DNAH12: variants seen among roughly 807,000 people sequenced by gnomAD.
DNAH12 encodes the protein axonemal beta dynein heavy chain 12.
DNAH12 carries 285 observed loss-of-function variants against 371.5 expected under a neutral mutation model. The ratio of observed to expected loss-of-function variants is 0.77; its 90% confidence interval spans 0.70 to 0.85. The LOEUF is 0.85. Among genes scored for constraint, DNAH12 ranks in the 40% least tolerant of loss-of-function variants. The pLI is 0.00. For synonymous variants in DNAH12, 1,200 were observed against 1,213.0 expected (o/e 0.99, Z 0.22); for missense variants, 3,611 against 3,689.4 (o/e 0.98, Z 0.55).
In DNAH12 at chr3:57,542,900, T is replaced by C. The variant is rs762567218; in HGVS notation, c.-30A>G. The C allele has an allele frequency of 8.6e-6, 13 of 1,516,330 alleles. No homozygotes were observed. The highest frequency in any genetic ancestry group is 1.1e-5 in the Non-Finnish European group (13 of 1,137,320). The allele number at this position is 1,516,330 out of a possible 1,614,324, so 93.9% of individuals were successfully genotyped here. On this transcript the variant is annotated 5_prime_UTR_variant, in exon 2 of 74. Coordinates refer to ENST00000495027, the MANE Select transcript of DNAH12 (RefSeq NM_001366028.2). ...ATCCCCTAAAGATTAAAATACTCTGTACTCTGAGGAGAAAAAGTCCATAAA... is the reference window on the plus strand; with the variant it reads ...ATCCCCTAAAGATTAAAATACTCTGCACTCTGAGGAGAAAAAGTCCATAAA...
At chr3:57,542,588 A>G in intron 2 of DNAH12, 113 bp downstream of exon 2, 1 of 1,187,334 alleles carries the variant, frequency 8.4e-7, no homozygotes, top group Non-Finnish European at 1.1e-6. Context: ...TTAACTTGAA[A>G]ATAGTATTTT....
At chr3:57,361,323 TG>T (rs1193066849) in intron 58 of DNAH12, among the ~76,000 whole-genome samples, 1 of 151,390 alleles carries the variant, frequency 6.6e-6, no homozygotes, top group East Asian at 1.9e-4. Flanking sequence ...CACTCCAGCC[TG>T]GACAACAAGA....
chr3:57,324,137 C>T (rs957312361), intron 62 of DNAH12, among the ~76,000 whole-genome samples: 1 of 152,158 alleles, frequency 6.6e-6, no homozygotes, highest in African/African-American at 2.4e-5. Flanking sequence ...CTGATGAGGA[C>T]CACACTGTAA....
intron 4 of DNAH12, among the ~76,000 whole-genome samples, chr3:57,514,604 G>C (rs904336709): frequency 2.0e-5 from 3 of 151,982 alleles, no homozygotes; most frequent in Non-Finnish European, 4.4e-5. Flanking sequence ...AGGGTGGAAG[G>C]GATGGGAGAT....
chr3:57,409,575 G>A (rs1438828125), intron 39 of DNAH12, among the ~76,000 whole-genome samples: 1 of 151,942 alleles, frequency 6.6e-6, no homozygotes, highest in Non-Finnish European at 1.5e-5. Context: ...GAGGAATAGT[G>A]ATTATCTCCT....
intron 28 of DNAH12, 47 bp from the exon 29 acceptor site, chr3:57,444,863 G>A: frequency 6.6e-7 from 1 of 1,520,370 alleles, no homozygotes. Context: ...GCCAGCAATT[G>A]CAACCCCACT....
rs1479294328 is a variant in DNAH12, at chr3:57,483,445, C to G, written c.1581G>C (p.Met527Ile). The change falls in exon 13 of 74, where the codon ATG becomes ATC. Residue 527 changes from methionine (M) to isoleucine (I), a missense_variant. Physicochemically the swap from Met to Ile is conservative, Grantham distance 10 (BLOSUM62 1). Around this residue, in one of 3 missense-constraint regions of DNAH12, gnomAD observed 1,314 missense variants for 1,398.7 expected, o/e 0.94. Coordinates refer to ENST00000495027, the MANE Select transcript of DNAH12 (RefSeq NM_001366028.2). The stretch of plus-strand genomic sequence containing the variant: ...TTTCTACATAAGATATCAGATCCAT[C>G]ATCTCTTCTGTTGTTTCAGGGACTT... Reference protein sequence around the residue: ...ALKVPETTEEMMDLISYVEKA... With the variant: ...ALKVPETTEEIMDLISYVEKA... 1 of 1,551,272 alleles carries G rather than the reference C, an allele frequency of 6.4e-7. No homozygotes were observed. Among genetic ancestry groups the G allele is most frequent in the Non-Finnish European group, 8.7e-7 (1 of 1,146,848 alleles).
intron 52 of DNAH12, among the ~76,000 whole-genome samples, chr3:57,378,323 G>A (rs2063322955): frequency 6.6e-6 from 1 of 151,936 alleles, no homozygotes; most frequent in African/African-American, 2.4e-5. Flanking sequence ...TGAGACTACT[G>A]TGTGAAGGGA....
chr3:57,523,894 A>C lies in DNAH12; in HGVS notation c.171-10T>G. 1 of 1,564,822 alleles carries C rather than the reference A, an allele frequency of 6.4e-7. No homozygotes were observed. Among genetic ancestry groups the C allele is most frequent in the Non-Finnish European group, 8.7e-7 (1 of 1,148,172 alleles). On this transcript the variant is annotated splice_polypyrimidine_tract_variant and intron_variant, in intron 2 of 73. Transcript: ENST00000495027. ...TTTGGCTCCATCAATTCTGAAATTT[A>C]TAGTTAGAAATATGACTCTCTTGAT...
intron 45 of DNAH12, among the ~76,000 whole-genome samples, chr3:57,390,102 G>A (rs2063583212): frequency 6.7e-6 from 1 of 148,900 alleles, no homozygotes. Flanking sequence ...CCAAAGTGCT[G>A]GGATTACAGG....
chr3:57,533,396 A>C (rs1397918319), intron 2 of DNAH12, among the ~76,000 whole-genome samples: 1 of 152,144 alleles, frequency 6.6e-6, no homozygotes, highest in African/African-American at 2.4e-5. Context: ...GCTTTTTTCA[A>C]GCAGATGGCA....
chr3:57,445,450 G>C, intron 27 of DNAH12, 31 bp from the exon 28 acceptor site: 1 of 1,435,044 alleles, frequency 7.0e-7, no homozygotes. Flanking sequence ...AATATATTAC[G>C]TACATAAATG....
chr3:57,520,613 T>A (rs564283657), intron 4 of DNAH12, among the ~76,000 whole-genome samples: 1 of 151,616 alleles, frequency 6.6e-6, no homozygotes, highest in South Asian at 2.1e-4. Flanking sequence ...CAGCTAATTT[T>A]TTGTATTTTA....
In DNAH12 at chr3:57,454,921, T is replaced by A. The variant is rs1407747324; in HGVS notation, c.3337-27A>T. The A allele has an allele frequency of 2.6e-6, 4 of 1,530,078 alleles. No homozygotes were observed. The South Asian group carries it at 5.0e-5, about 19-fold the overall frequency. 94.8% of individuals were successfully genotyped at this position (1,530,078 alleles called of 1,614,324 possible). ...TGAACAATTAAAATAAATTTCTAACTTTAAAAGCTTGAATGAGAAAAAATA... is the reference window on the plus strand; with the variant it reads ...TGAACAATTAAAATAAATTTCTAACATTAAAAGCTTGAATGAGAAAAAATA... On this transcript the variant is annotated intron_variant, in intron 22 of 73. Coordinates refer to ENST00000495027, the MANE Select transcript of DNAH12 (RefSeq NM_001366028.2).
At position 57,498,993 on chromosome 3, in the gene DNAH12, C is replaced by G. The variant is rs1471937151; in HGVS notation, c.1335+2328G>C. On this transcript the variant is annotated intron_variant, in intron 11 of 73. Coordinates refer to ENST00000495027, the MANE Select transcript of DNAH12 (RefSeq NM_001366028.2). ...CAGCCTGGGCAACAGAGCAAGACTC[C>G]GTCTCAAAAACAAAAACAAAAACAC... is the stretch of plus-strand genomic sequence containing the variant. Among the ~76,000 whole-genome samples, 3 of 127,416 alleles carry G rather than the reference C, an allele frequency of 2.4e-5. No individual in the cohort carries two copies. The East Asian group carries it at 6.5e-4, about 28-fold the overall frequency. The allele number at this position is 127,416 out of a possible 152,430, so 83.6% of individuals were successfully genotyped here.
chr3:57,504,318 TC>T, intron 8 of DNAH12, 114 bp from the exon 9 acceptor site: 1 of 925,840 alleles, frequency 1.1e-6, no homozygotes, highest in Non-Finnish European at 1.6e-6. Context: ...AATTAAAACA[TC>T]CTATCAATCC....
rs1447875700 is a variant in DNAH12 at position 57,499,669 on chromosome 3, T to TAC, written c.1335+1651_1335+1652insGT. Among the ~76,000 whole-genome samples the TAC allele has an allele frequency of 4.6e-3, 231 of 49,696 alleles. 19 individuals are homozygous for TAC. Among genetic ancestry groups the TAC allele is most frequent in the African/African-American group, 0.019 (217 of 11,672 alleles). The allele number at this position is 49,696 out of a possible 152,430, so 32.6% of individuals were successfully genotyped here. A position where few individuals can be genotyped will look rare whatever the true frequency, so the allele number is the denominator to read the frequency against. On this transcript the variant is annotated intron_variant, in intron 11 of 73. Coordinates refer to ENST00000495027, the MANE Select transcript of DNAH12 (RefSeq NM_001366028.2). ...AAAAATATATATATATATATATATA[T>TAC]ATATATACTTCTTAAAAAAATTAGC...
chr3:57,323,397 C>A, intron 63 of DNAH12, 72 bp downstream of exon 63: 1 of 1,473,632 alleles, frequency 6.8e-7, no homozygotes, highest in South Asian at 1.4e-5. Context: ...GATTTATAAT[C>A]ATATAAGGAA....
chr3:57,433,387 C>G lies in DNAH12; in HGVS notation c.4960G>C (p.Val1654Leu). 1 of 1,551,058 alleles carries G rather than the reference C, an allele frequency of 6.4e-7. No homozygotes were observed. Among genetic ancestry groups the G allele is most frequent in the South Asian group, 1.2e-5 (1 of 83,848 alleles). ...TTTACCTTTTTATTATCATCCAATA[C>G]TGTGTTCATGCTCTCTATCCACAAA... ...DTLWIESMNTVLDDNKKLCLM... is the reference protein window; with the variant it reads ...DTLWIESMNTLLDDNKKLCLM... The change falls in exon 32 of 74, where the codon GTA becomes CTA. Residue 1654 changes from valine to leucine, a missense_variant. By Grantham distance (32) the Val-to-Leu change is conservative. This residue lies in a region of DNAH12 where 2,266 missense variants were observed against 2,236.9 expected (regional missense o/e 1.01). Coordinates refer to ENST00000495027, the MANE Select transcript of DNAH12 (RefSeq NM_001366028.2).
Sources: allele counts gnomAD v4.1 joint callset (sites outside exome capture counted in the v4.1 genomes callset), GRCh38; gene constraint gnomAD v4.1.1; regional missense constraint gnomAD v4.1.1; transcripts MANE v1.5; gene names NCBI Gene and HGNC (gene_info 2026-07-23, HGNC 2026-07-21).